Variants in BLNK observed in about 807,000 individuals in gnomAD.
BLNK encodes the protein B cell linker.
Under a neutral mutation model 73.5 loss-of-function variants are expected in BLNK, and 29 were observed. That is an observed-to-expected ratio of 0.39 (90% CI 0.29 to 0.54). BLNK has a LOEUF of 0.54. Among genes scored for constraint, BLNK ranks in the 20% least tolerant of loss-of-function variants. The pLI is 0.61. For missense variants in BLNK, 460 were observed against 562.8 expected (o/e 0.82, Z 1.85); for synonymous variants, 176 against 200.8 (o/e 0.88, Z 1.04).
intron 1 of BLNK, among the ~76,000 whole-genome samples, chr10:96,257,980 C>T (rs1352207642): frequency 6.6e-6 from 1 of 152,226 alleles, no homozygotes; most frequent in Non-Finnish European, 1.5e-5. Flanking sequence ...CAGCCACCAA[C>T]CCATCGTTTT....
At chr10:96,196,750 A>G (rs587622897) in intron 16 of BLNK, among the ~76,000 whole-genome samples, 158 bp downstream of exon 16, 15 of 152,344 alleles carry the variant, frequency 9.8e-5, no homozygotes, top group African/African-American at 3.1e-4. Flanking sequence ...TATACTGCCT[A>G]AATATAGTAT....
At chr10:96,242,667 A>T (rs1842915658) in intron 3 of BLNK, 68 bp downstream of exon 3, 1 of 1,414,612 alleles carries the variant, frequency 7.1e-7, no homozygotes. Flanking sequence ...CCCTTTCCAT[A>T]AGCCTAAATG....
At chr10:96,268,601 C>T (rs1227494290) in intron 1 of BLNK, among the ~76,000 whole-genome samples, 1 of 152,138 alleles carries the variant, frequency 6.6e-6, no homozygotes, top group Non-Finnish European at 1.5e-5. Context: ...AGCAGAAACT[C>T]TCAAGGTGAT....
chr10:96,251,362 T>C (rs909926341), intron 1 of BLNK, among the ~76,000 whole-genome samples: 1 of 152,224 alleles, frequency 6.6e-6, no homozygotes, highest in Non-Finnish European at 1.5e-5. Flanking sequence ...TTACAACTTA[T>C]AGCACATGCC....
chr10:96,203,773 T>C, intron 13 of BLNK: 2 of 223,216 alleles, frequency 9.0e-6, no homozygotes, highest in Non-Finnish European at 1.6e-5. Flanking sequence ...AACAGCTGTA[T>C]TGTTTTTGTA....
chr10:96,241,520 C>T (rs1008867319), intron 3 of BLNK, among the ~76,000 whole-genome samples: 6 of 152,252 alleles, frequency 3.9e-5, no homozygotes, highest in Non-Finnish European at 8.8e-5. Flanking sequence ...TTGGAGAGGA[C>T]TGAGAGTCAG....
intron 1 of BLNK, among the ~76,000 whole-genome samples, chr10:96,249,035 C>G (rs781794153): frequency 6.6e-6 from 1 of 152,170 alleles, no homozygotes; most frequent in Non-Finnish European, 1.5e-5. Flanking sequence ...TAAAATTTCA[C>G]GTGGTTCTTC....
chr10:96,227,300 G>T, intron 5 of BLNK, 110 bp downstream of exon 5: 1 of 1,435,624 alleles, frequency 7.0e-7, no homozygotes, highest in Non-Finnish European at 9.4e-7. Context: ...CGGGCGGCTG[G>T]CAGAGGCCCT....
intron 4 of BLNK, among the ~76,000 whole-genome samples, chr10:96,229,220 T>TC (rs1409724413): frequency 2.1e-5 from 3 of 145,674 alleles, no homozygotes; most frequent in Admixed American, 6.9e-5. Context: ...CCTGTTTCCC[T>TC]CCCCCCACCT....
intron 3 of BLNK, among the ~76,000 whole-genome samples, chr10:96,233,128 T>A (rs782617739): frequency 2.8e-4 from 42 of 152,148 alleles, no homozygotes; most frequent in Non-Finnish European, 5.4e-4. Context: ...ATACCTTAAG[T>A]CTGGGGATCA....
In BLNK at chr10:96,271,545, A is replaced by C; in HGVS notation, c.-147T>G. 1 of 784,706 alleles carries C rather than the reference A, an allele frequency of 1.3e-6. No homozygotes were observed. The highest frequency in any genetic ancestry group is 2.2e-6 in the Non-Finnish European group (1 of 445,910). 48.6% of individuals were successfully genotyped at this position (784,706 alleles called of 1,614,324 possible). A position where few individuals can be genotyped will look rare whatever the true frequency, so the allele number is the denominator to read the frequency against. On this transcript the variant is annotated 5_prime_UTR_variant, in exon 1 of 17. Transcript: ENST00000224337. ...ATTTCTGAGAGTGCAGGCTGCTGGC[A>C]AACACCCCTGCTCTAGGGAGAAGTA...
intron 13 of BLNK, among the ~76,000 whole-genome samples, chr10:96,201,897 A>AT (rs797030295): frequency 7.2e-5 from 11 of 151,956 alleles, no homozygotes; most frequent in African/African-American, 2.7e-4. Flanking sequence ...ATAAGTAAAA[A>AT]ATATATATAT....
rs150495829 is a variant in BLNK, at chr10:96,189,698, A to AATC, written c.*2272_*2274dup. 247,955 of 653,408 alleles carry AATC rather than the reference A, an allele frequency of 0.38. 39,581 individuals carry two copies. Among genetic ancestry groups the AATC allele is most frequent in the Middle Eastern group, 0.47 (1,072 of 2,272 alleles). The allele number at this position is 653,408 out of a possible 1,614,324, so 40.5% of individuals were successfully genotyped here. Reference sequence around the variant, plus strand: ...TTTTCTTCAGTTTCCTCATCATCAAAATCATCATCATCATCATCATCATCA... The same window carrying AATC: ...TTTTCTTCAGTTTCCTCATCATCAAAATCATCATCATCATCATCATCATCATCA... On this transcript the variant is annotated 3_prime_UTR_variant, in exon 17 of 17. Transcript: ENST00000224337.
chr10:96,260,575 A>G (rs1554912489), intron 1 of BLNK, among the ~76,000 whole-genome samples: 1 of 152,198 alleles, frequency 6.6e-6, no homozygotes, highest in African/African-American at 2.4e-5. Context: ...TGATATATAT[A>G]TAGTATTGTC....
intron 8 of BLNK, among the ~76,000 whole-genome samples, chr10:96,213,393 T>C (rs2083991335): frequency 6.6e-6 from 1 of 152,188 alleles, no homozygotes; most frequent in African/African-American, 2.4e-5. Context: ...AATTAGGGAA[T>C]AAGTACGGGC....
chr10:96,237,170 T>C (rs1189975603), intron 3 of BLNK, among the ~76,000 whole-genome samples: 2 of 152,158 alleles, frequency 1.3e-5, no homozygotes, highest in Non-Finnish European at 2.9e-5. Flanking sequence ...TCCAGGGGAA[T>C]ATGGACAGGG....
At chr10:96,257,061 A>G (rs1289622829) in intron 1 of BLNK, among the ~76,000 whole-genome samples, 1 of 152,164 alleles carries the variant, frequency 6.6e-6, no homozygotes, top group Non-Finnish European at 1.5e-5. Context: ...GGTATCAGGA[A>G]CAGCAGCCAG....
chr10:96,241,103 G>A (rs782518153), intron 3 of BLNK, among the ~76,000 whole-genome samples: 1 of 152,220 alleles, frequency 6.6e-6, no homozygotes, highest in Non-Finnish European at 1.5e-5. Context: ...CAACAGGCCT[G>A]TAACCAGACT....
rs544896355 is a variant in BLNK at position 96,256,688 on chromosome 10, C to T, written c.48-9639G>A. ...TTGAGGTCAGGAGTTCAAGACCAGC[C>T]TGGCCAACATGGTGAAACCTTTGCT... On this transcript the variant is annotated intron_variant, in intron 1 of 16. Transcript: ENST00000224337. Among the ~76,000 whole-genome samples, 29 of 152,136 alleles carry T rather than the reference C, an allele frequency of 1.9e-4. No individual in the cohort carries two copies. In the South Asian group the frequency reaches 6.0e-3, roughly 32 times the overall value.
Sources: allele counts gnomAD v4.1 joint callset (sites outside exome capture counted in the v4.1 genomes callset), GRCh38; gene constraint gnomAD v4.1.1; transcripts MANE v1.5; gene names NCBI Gene and HGNC (gene_info 2026-07-23, HGNC 2026-07-21).